ARHGEF7: variants seen among roughly 807,000 people sequenced by gnomAD.
ARHGEF7 encodes the protein Rho guanine nucleotide exchange factor 7.
In ARHGEF7, 33 loss-of-function variants were observed where a neutral mutation model predicts 109.8. The observed-to-expected ratio is 0.30, with a 90% CI of 0.23 to 0.40. ARHGEF7 has a LOEUF of 0.40. Among genes scored for constraint, ARHGEF7 ranks in the 10% least tolerant of loss-of-function variants. The pLI is 1.00. For missense variants in ARHGEF7, 938 were observed against 1,098.5 expected, an observed-to-expected ratio of 0.85 and a Z score of 2.07; for synonymous variants, 458 against 424.6, an observed-to-expected ratio of 1.08 and a Z score of -0.97.
At chr13:111,216,884 A>G (rs2083218826) in intron 4 of ARHGEF7, among the ~76,000 whole-genome samples, 1 of 152,238 alleles carries the variant, frequency 6.6e-6, no homozygotes, top group Non-Finnish European at 1.5e-5. Flanking sequence ...AACAGGCCCC[A>G]GCCCCTCTGC....
intron 8 of ARHGEF7, among the ~76,000 whole-genome samples, chr13:111,263,025 CAA>C (rs2091269660): frequency 6.6e-6 from 1 of 152,186 alleles, no homozygotes; most frequent in Non-Finnish European, 1.5e-5. Context: ...CTATGGAGCA[CAA>C]GAGAGAACCG....
chr13:111,143,993 G>A (rs2075469349), intron 1 of ARHGEF7: 2 of 152,196 alleles, frequency 1.3e-5, no homozygotes, highest in South Asian at 4.1e-4. Flanking sequence ...CTATGAATTT[G>A]GGACTGTTGC....
intron 1 of ARHGEF7, among the ~76,000 whole-genome samples, chr13:111,115,940 G>A (rs2066726978): frequency 6.6e-6 from 1 of 151,762 alleles, no homozygotes; most frequent in East Asian, 2.0e-4. Context: ...GGGGTCCCCG[G>A]GAAGGAGAGT....
intron 2 of ARHGEF7, among the ~76,000 whole-genome samples, chr13:111,197,101 CT>C (rs1228178172): frequency 6.6e-6 from 1 of 152,192 alleles, no homozygotes; most frequent in Non-Finnish European, 1.5e-5. Context: ...TTTTCTCCCC[CT>C]GCCCAAGAAC....
intron 17 of ARHGEF7, among the ~76,000 whole-genome samples, 153 bp from the exon 18 acceptor site, chr13:111,288,201 A>G (rs1401902803): frequency 6.6e-6 from 1 of 152,206 alleles, no homozygotes; most frequent in African/African-American, 2.4e-5. Flanking sequence ...TAACTCATGA[A>G]TTTTGTAGAA....
chr13:111,289,579 T>A (rs2093186532), intron 18 of ARHGEF7, among the ~76,000 whole-genome samples: 1 of 152,230 alleles, frequency 6.6e-6, no homozygotes, highest in African/African-American at 2.4e-5. Flanking sequence ...TGGTGCCCTT[T>A]CCAGCTCGAC....
Position 111,181,205 on chromosome 13 carries a change from G to T in ARHGEF7, c.253-24084G>T, listed in dbSNP as rs572512104. 3.3e-5 allele frequency among the ~76,000 whole-genome samples: 5 copies of T among 152,212 alleles called. No homozygotes were observed. In the East Asian group the frequency reaches 9.7e-4, roughly 29 times the overall value. On this transcript the variant is annotated intron_variant, in intron 2 of 21. Transcript: ENST00000646102. Reference sequence around the variant, plus strand: ...TTTTTAGTGTGGATCATGGTCAAGAGTTTGAACATTGATCACATGGGGGTC... The same window carrying T: ...TTTTTAGTGTGGATCATGGTCAAGATTTTGAACATTGATCACATGGGGGTC...
rs139697537 is a variant in ARHGEF7, at chr13:111,245,175, G to A, written c.950+881G>A. ...TCAAAGCATCTCATCGATTTGCTGA[G>A]CATACTTCTCAGATGTAATGGTTTT... On this transcript the variant is annotated intron_variant, in intron 8 of 21. Coordinates refer to ENST00000646102, the MANE Select transcript of ARHGEF7 (RefSeq NM_001354046.2). 2.4e-3 allele frequency among the ~76,000 whole-genome samples: 369 copies of A among 152,252 alleles called. 2 individuals are homozygous for A. The highest frequency in any genetic ancestry group is 8.6e-3 in the African/African-American group (356 of 41,548).
intron 7 of ARHGEF7, 58 bp downstream of exon 7, chr13:111,244,024 C>T (rs2088316063): frequency 2.8e-6 from 4 of 1,433,418 alleles, no homozygotes; most frequent in South Asian, 1.2e-5. Context: ...AGGCTGTTCT[C>T]TTCTATTTTC....
At chr13:111,164,371 A>T (rs1489197176) in intron 2 of ARHGEF7, among the ~76,000 whole-genome samples, 2 of 152,160 alleles carry the variant, frequency 1.3e-5, no homozygotes, top group Non-Finnish European at 2.9e-5. Context: ...GAGGTGTTTG[A>T]CAACATCAAG....
In ARHGEF7 at chr13:111,227,790, A is replaced by G. The variant is rs577839356; in HGVS notation, c.671-5415A>G. On this transcript the variant is annotated intron_variant, in intron 5 of 21. Coordinates refer to ENST00000646102, the MANE Select transcript of ARHGEF7 (RefSeq NM_001354046.2). The stretch of plus-strand genomic sequence containing the variant: ...GTGCTAAACGAGATGCTTTAGTCTT[A>G]TTTGTATTTCAGTGACATTTGGCAG... Among the ~76,000 whole-genome samples, 4 of 152,218 alleles carry G rather than the reference A, an allele frequency of 2.6e-5. No individual in the cohort carries two copies. In the East Asian group the frequency reaches 5.8e-4, roughly 22 times the overall value.
intron 1 of ARHGEF7, among the ~76,000 whole-genome samples, chr13:111,149,774 A>C (rs1370492715): frequency 6.6e-6 from 1 of 152,266 alleles, no homozygotes; most frequent in African/African-American, 2.4e-5. Context: ...ATACATATAC[A>C]GTACTCACAT....
chr13:111,201,782 C>T (rs1229562210), intron 2 of ARHGEF7, among the ~76,000 whole-genome samples: 1 of 152,140 alleles, frequency 6.6e-6, no homozygotes, highest in Non-Finnish European at 1.5e-5. Flanking sequence ...GTAGTCTCAG[C>T]CCTCTTCCTT....
At chr13:111,129,729 T>C (rs180915981) in intron 1 of ARHGEF7, among the ~76,000 whole-genome samples, 1 of 152,308 alleles carries the variant, frequency 6.6e-6, no homozygotes, top group African/African-American at 2.4e-5. Flanking sequence ...TCCTCCCAAG[T>C]GTTAGCGTGT....
At chr13:111,244,724 A>G (rs1209796519) in intron 8 of ARHGEF7, among the ~76,000 whole-genome samples, 2 of 152,250 alleles carry the variant, frequency 1.3e-5, no homozygotes, top group Non-Finnish European at 2.9e-5. Flanking sequence ...GTGCTTCTAG[A>G]AATAACATAT....
intron 1 of ARHGEF7, among the ~76,000 whole-genome samples, chr13:111,120,553 G>A (rs935769105): frequency 2.6e-5 from 4 of 152,184 alleles, no homozygotes; most frequent in African/African-American, 9.7e-5. Flanking sequence ...TTGAGGGAGT[G>A]GGGGAAGGAG....
At chr13:111,202,955 T>G in intron 2 of ARHGEF7, 1 of 563,618 alleles carries the variant, frequency 1.8e-6, no homozygotes, top group Non-Finnish European at 2.6e-6. Context: ...TCACTTAAAC[T>G]CTGATGTCAT....
intron 1 of ARHGEF7, 33 bp from the exon 2 acceptor site, chr13:111,153,872 C>T (rs765843342): frequency 1.3e-6 from 2 of 1,580,718 alleles, no homozygotes; most frequent in South Asian, 1.1e-5. Context: ...CGCTGCCGGC[C>T]ACGGCGCTCA....
intron 5 of ARHGEF7, among the ~76,000 whole-genome samples, chr13:111,220,523 A>T (rs752391282): frequency 1.3e-5 from 2 of 152,118 alleles, no homozygotes; most frequent in Non-Finnish European, 2.9e-5. Context: ...GGGTTTGTGG[A>T]TCTCAAAATC....
Sources: allele counts gnomAD v4.1 joint callset (sites outside exome capture counted in the v4.1 genomes callset), GRCh38; gene constraint gnomAD v4.1.1; transcripts MANE v1.5; gene names NCBI Gene and HGNC (gene_info 2026-07-23, HGNC 2026-07-21).